The following NR6A1 variants were observed in gnomAD, a reference collection of about 807,000 sequenced individuals.
The protein encoded by NR6A1 is retinoic acid receptor-related testis-associated receptor.
Under a neutral mutation model 59.1 loss-of-function variants are expected in NR6A1, and 7 were observed. The ratio of observed to expected loss-of-function variants is 0.12; its 90% CI spans 0.07 to 0.22. NR6A1 has a LOEUF of 0.22. Among genes scored for constraint, NR6A1 ranks in the 10% least tolerant of loss-of-function variants. The probability of loss-of-function intolerance (pLI) is 1.00; values close to 1 mark genes in which losing one functional copy is unlikely to be tolerated. For missense variants in NR6A1, 468 were observed against 611.6 expected, an observed-to-expected ratio of 0.77 and a Z score of 2.48; for synonymous variants, 243 against 236.1, an observed-to-expected ratio of 1.03 and a Z score of -0.27.
At chr9:124,556,496 T>G (rs1310138577) in intron 2 of NR6A1, among the ~76,000 whole-genome samples, 1 of 151,308 alleles carries the variant, frequency 6.6e-6, no homozygotes, top group Admixed American at 6.6e-5. Context: ...AGTCTTGCTC[T>G]GTCACCCAGG....
intron 2 of NR6A1, among the ~76,000 whole-genome samples, chr9:124,571,556 G>C (rs1216300790): frequency 6.6e-6 from 1 of 152,186 alleles, no homozygotes. Context: ...GACGGGACTG[G>C]AAAAAGGCAC....
intron 2 of NR6A1, among the ~76,000 whole-genome samples, chr9:124,567,556 G>C (rs1834299562): frequency 6.6e-6 from 1 of 152,066 alleles, no homozygotes; most frequent in Non-Finnish European, 1.5e-5. Flanking sequence ...CTTGAGCCCG[G>C]GAGTCGGAGA....
chr9:124,697,785 A>C (rs1321060692), intron 2 of NR6A1, among the ~76,000 whole-genome samples: 4 of 152,192 alleles, frequency 2.6e-5, no homozygotes, highest in African/African-American at 9.7e-5. Flanking sequence ...CTTGGGCTAA[A>C]TGAGGGTAAA....
At chr9:124,606,282 G>T (rs559514356) in intron 2 of NR6A1, among the ~76,000 whole-genome samples, 1 of 152,196 alleles carries the variant, frequency 6.6e-6, no homozygotes, top group East Asian at 1.9e-4. Flanking sequence ...TGCCCTAAAG[G>T]TTCCAATTCT....
At chr9:124,598,763 T>G in intron 2 of NR6A1, 1 of 912,222 alleles carries the variant, frequency 1.1e-6, no homozygotes, top group Admixed American at 1.8e-5. Flanking sequence ...CCGAAAGAGC[T>G]TCTAGCTTTT....
intron 2 of NR6A1, among the ~76,000 whole-genome samples, chr9:124,567,576 G>A (rs564985993): frequency 3.8e-4 from 58 of 152,096 alleles, no homozygotes; most frequent in Non-Finnish European, 5.6e-4. Flanking sequence ...ACCAGCCTGG[G>A]CAAGACAATG....
At chr9:124,676,859 G>A (rs754519856) in intron 2 of NR6A1, among the ~76,000 whole-genome samples, 1 of 152,150 alleles carries the variant, frequency 6.6e-6, no homozygotes, top group Non-Finnish European at 1.5e-5. Flanking sequence ...ACAAACTTAT[G>A]AACGATAGAA....
chr9:124,543,601 G>A (rs1833510497), intron 4 of NR6A1, among the ~76,000 whole-genome samples: 1 of 152,134 alleles, frequency 6.6e-6, no homozygotes, highest in African/African-American at 2.4e-5. Flanking sequence ...AGGGATCACA[G>A]GAAGAGCTTT....
chr9:124,633,248 C>CAAAAAAA (rs1836497916), intron 2 of NR6A1, among the ~76,000 whole-genome samples: 1 of 151,578 alleles, frequency 6.6e-6, no homozygotes, highest in African/African-American at 2.4e-5. Context: ...ACTAAAAATA[C>CAAAAAAA]AAAAATTAGC....
chr9:124,572,423 A>T (rs1273453828), intron 2 of NR6A1, among the ~76,000 whole-genome samples: 2 of 152,056 alleles, frequency 1.3e-5, no homozygotes, highest in Non-Finnish European at 2.9e-5. Context: ...GTCAAGAAAA[A>T]GGTAGGAACA....
At chr9:124,770,919 G>A (rs1038784715) in intron 1 of NR6A1, 101 bp downstream of exon 1, 4 of 666,470 alleles carry the variant, frequency 6.0e-6, no homozygotes, top group Non-Finnish European at 8.5e-6. Context: ...GGGCCGCTGC[G>A]GCTTCCCAGG....
intron 2 of NR6A1, among the ~76,000 whole-genome samples, chr9:124,681,326 A>G (rs981468482): frequency 6.7e-6 from 1 of 149,896 alleles, no homozygotes; most frequent in Non-Finnish European, 1.5e-5. Context: ...GTTGCCAATG[A>G]TAACATTTGA....
rs374207446 is a variant in NR6A1 at position 124,598,491 on chromosome 9, TAAAC to T, written c.143-43925_143-43922del. 4.5e-3 allele frequency among the ~76,000 whole-genome samples: 680 copies of T among 152,074 alleles called. 5 individuals are homozygous for T. The highest frequency in any genetic ancestry group is 0.015 in the African/African-American group (623 of 41,506). ...CTTTGAAATGTGGGAAAAAAGTAGA[TAAAC>T]AAAATTCTAAATCCAAACATACGTA... On this transcript the variant is annotated intron_variant, in intron 2 of 9. Coordinates refer to ENST00000487099, the MANE Select transcript of NR6A1 (RefSeq NM_033334.4).
intron 2 of NR6A1, among the ~76,000 whole-genome samples, chr9:124,681,117 C>T (rs117963335): frequency 0.029 from 4,433 of 152,292 alleles, 99 homozygotes; most frequent in Non-Finnish European, 0.044. Flanking sequence ...ACATAAAGCA[C>T]TTCTGCACAG....
intron 2 of NR6A1, among the ~76,000 whole-genome samples, chr9:124,556,460 ATTTTTTTT>A (rs111855786): frequency 1.4e-5 from 2 of 138,170 alleles, no homozygotes; most frequent in East Asian, 4.2e-4. Context: ...AGGGATACTG[ATTTTTTTT>A]TTTTTTTTTT....
At chr9:124,570,531 G>A (rs573036809) in intron 2 of NR6A1, among the ~76,000 whole-genome samples, 1 of 152,320 alleles carries the variant, frequency 6.6e-6, no homozygotes, top group East Asian at 1.9e-4. Context: ...CTGTAGGTGA[G>A]GGCAAGAAAA....
At chr9:124,585,557 AAGG>A (rs766035988) in intron 2 of NR6A1, among the ~76,000 whole-genome samples, 2,920 of 106,996 alleles carry the variant, frequency 0.027, 143 homozygotes, top group East Asian at 0.13. Flanking sequence ...AAAAAAAAAA[AAGG>A]GGGGGGGGGG....
At chr9:124,662,137 T>G (rs1837459016) in intron 2 of NR6A1, among the ~76,000 whole-genome samples, 1 of 151,876 alleles carries the variant, frequency 6.6e-6, no homozygotes, top group Non-Finnish European at 1.5e-5. Flanking sequence ...TCCCCCTTGG[T>G]TGCAATGAAG....
At chr9:124,630,460 C>A (rs1398222570) in intron 2 of NR6A1, among the ~76,000 whole-genome samples, 1 of 150,944 alleles carries the variant, frequency 6.6e-6, no homozygotes, top group African/African-American at 2.4e-5. Context: ...TGGTCTCCAA[C>A]TCCTGACCTC....
Sources: gnomAD v4.1 joint callset for allele counts (sites outside exome capture counted in the v4.1 genomes callset) on GRCh38, gnomAD v4.1.1 for gene constraint, MANE v1.5 for transcripts, NCBI Gene and HGNC (gene_info 2026-07-23, HGNC 2026-07-21) for gene names.